Variants in SEL1L observed in about 807,000 individuals in gnomAD.
SEL1L encodes the protein protein sel-1 homolog 1.
SEL1L carries 52 observed loss-of-function variants against 109.8 expected under a neutral mutation model. That is an observed-to-expected ratio of 0.47 (90% confidence interval 0.38 to 0.60). The LOEUF is 0.60. Ranked by LOEUF, SEL1L falls within the 20% of genes least tolerant of loss-of-function variation. The pLI, the probability that SEL1L is intolerant of heterozygous loss-of-function variation, is 0.00. For missense variants in SEL1L, 749 were observed against 962.2 expected (o/e 0.78, Z 2.93); for synonymous variants, 373 against 339.6 (o/e 1.10, Z -1.08).
rs981766733 is a variant in SEL1L, at chr14:81,511,639, T to C, written c.341-5398A>G. 2.6e-5 allele frequency among the ~76,000 whole-genome samples: 4 copies of C among 152,250 alleles called. 1 individual carries two copies. Among genetic ancestry groups the C allele is most frequent in the African/African-American group, 9.6e-5 (4 of 41,474 alleles). ...ACCTGTTGCAGGCAACTGCCTATTC[T>C]TCTATCTTCTGTTTAATATGATTGC... On this transcript the variant is annotated intron_variant, in intron 3 of 20. Coordinates refer to ENST00000336735, the MANE Select transcript of SEL1L (RefSeq NM_005065.6).
At chr14:81,502,203 C>A (rs1208045279) in intron 6 of SEL1L, among the ~76,000 whole-genome samples, 2 of 151,932 alleles carry the variant, frequency 1.3e-5, no homozygotes, top group African/African-American at 4.8e-5. Context: ...TGTATATATA[C>A]ACAAAGAGAA....
In SEL1L at chr14:81,526,964, T is replaced by C; in HGVS notation, c.109A>G (p.Thr37Ala). Residue 37 changes from threonine (T) to alanine (A), a missense_variant and splice_region_variant, in exon 3 of 21, where the codon ACT becomes GCT. Around this residue, in one of 2 missense-constraint regions of SEL1L, gnomAD observed 366 missense variants for 399.8 expected, o/e 0.92. Transcript: ENST00000336735. ...ACTGACTCATCTGATGTCAAAGTAGTCTGAGAATATAAAGTATTTTTAGTT... is the reference window on the plus strand; with the variant it reads ...ACTGACTCATCTGATGTCAAAGTAGCCTGAGAATATAAAGTATTTTTAGTT... ...GSQDESLDSK[T>A]TLTSDESVKD... 6.2e-7 allele frequency: 1 copy of C among 1,603,800 alleles called. No homozygotes were observed. Among genetic ancestry groups the C allele is most frequent in the Non-Finnish European group, 8.5e-7 (1 of 1,171,284 alleles).
At chr14:81,527,853 CAT>C (rs1027670919) in intron 1 of SEL1L, 115 bp from the exon 2 acceptor site, 5 of 644,006 alleles carry the variant, frequency 7.8e-6, no homozygotes, top group African/African-American at 3.8e-5. Flanking sequence ...GATAAATAAA[CAT>C]AGAATTATTT....
At chr14:81,530,778 G>A (rs1198524989) in intron 1 of SEL1L, among the ~76,000 whole-genome samples, 3 of 152,124 alleles carry the variant, frequency 2.0e-5, no homozygotes, top group Non-Finnish European at 1.5e-5. Flanking sequence ...ATCACTGGGC[G>A]ATTTCCTTTT....
chr14:81,495,261 T>G (rs1883695661), intron 10 of SEL1L, 124 bp from the exon 11 acceptor site: 3 of 813,036 alleles, frequency 3.7e-6, no homozygotes, highest in Non-Finnish European at 6.0e-6. Flanking sequence ...AACAAAAAGA[T>G]TTAGTCTTAA....
intron 19 of SEL1L, 66 bp downstream of exon 19, chr14:81,484,159 T>C: frequency 6.7e-7 from 1 of 1,497,600 alleles, no homozygotes; most frequent in South Asian, 1.2e-5. Flanking sequence ...CTATTTTCTA[T>C]ACAAATGCAA....
At chr14:81,512,412 C>T (rs1454191211) in intron 3 of SEL1L, among the ~76,000 whole-genome samples, 1 of 152,238 alleles carries the variant, frequency 6.6e-6, no homozygotes, top group Non-Finnish European at 1.5e-5. Flanking sequence ...GGGCAGACTG[C>T]CTCATTACTG....
At chr14:81,529,354 CAA>C (rs1885240331) in intron 1 of SEL1L, among the ~76,000 whole-genome samples, 1 of 152,082 alleles carries the variant, frequency 6.6e-6, no homozygotes, top group Non-Finnish European at 1.5e-5. Flanking sequence ...GTTAATATAT[CAA>C]AACAGATATT....
At chr14:81,496,971 G>A (rs1376593821) in intron 10 of SEL1L, among the ~76,000 whole-genome samples, 1 of 152,122 alleles carries the variant, frequency 6.6e-6, no homozygotes, top group Non-Finnish European at 1.5e-5. Flanking sequence ...TACAAGAGTA[G>A]CATCATGCTG....
At chr14:81,487,040 A>C (rs188142355) in intron 16 of SEL1L, among the ~76,000 whole-genome samples, 101 of 151,248 alleles carry the variant, frequency 6.7e-4, no homozygotes, top group African/African-American at 2.3e-3. Context: ...CCTGGGCTCA[A>C]GCCTTCATCC....
chr14:81,522,761 C>T (rs1037367390), intron 3 of SEL1L, among the ~76,000 whole-genome samples: 3 of 152,126 alleles, frequency 2.0e-5, no homozygotes, highest in Non-Finnish European at 4.4e-5. Flanking sequence ...GATAAAATGA[C>T]GTAGTACTTG....
chr14:81,510,372 G>A (rs901511715), intron 3 of SEL1L, among the ~76,000 whole-genome samples: 7 of 151,870 alleles, frequency 4.6e-5, no homozygotes, highest in African/African-American at 1.7e-4. Context: ...GGGACTAAGG[G>A]ATACAAGATT....
intron 4 of SEL1L, 86 bp downstream of exon 4, chr14:81,505,988 G>C: frequency 7.4e-7 from 1 of 1,349,512 alleles, no homozygotes; most frequent in Non-Finnish European, 1.0e-6. Context: ...GACCAATGTG[G>C]AAAAAGGATG....
Position 81,488,076 on chromosome 14 carries a change from A to C in SEL1L, c.1396-134T>G. 8.2e-6 allele frequency: 5 copies of C among 611,562 alleles called. No individual in the cohort carries two copies. The South Asian group carries it at 8.7e-5, about 11-fold the overall frequency. The allele number at this position is 611,562 out of a possible 1,614,324, so 37.9% of individuals were successfully genotyped here. ...AGAGCCATTAAAAAGACCACTTTCT[A>C]ATTCTTATAATAGATAATAATATAC... On this transcript the variant is annotated intron_variant, in intron 14 of 20. Coordinates refer to ENST00000336735, the MANE Select transcript of SEL1L (RefSeq NM_005065.6).
intron 1 of SEL1L, among the ~76,000 whole-genome samples, 185 bp from the exon 2 acceptor site, chr14:81,527,923 A>G (rs76729194): frequency 6.6e-6 from 1 of 152,078 alleles, no homozygotes; most frequent in Non-Finnish European, 1.5e-5. Flanking sequence ...GAAAAAAAAA[A>G]TGGGTTGGGG....
intron 3 of SEL1L, among the ~76,000 whole-genome samples, chr14:81,515,470 A>G (rs554479089): frequency 6.6e-6 from 1 of 152,342 alleles, no homozygotes; most frequent in African/African-American, 2.4e-5. Flanking sequence ...CTGACAGCTG[A>G]AGAAAGGGAC....
At chr14:81,527,075 T>C (rs1885142112) in intron 2 of SEL1L, 111 bp from the exon 3 acceptor site, 1 of 761,594 alleles carries the variant, frequency 1.3e-6, no homozygotes, top group Non-Finnish European at 2.2e-6. Context: ...CTCCTTGAAG[T>C]GCCACACTCA....
rs1468693053 is a variant in SEL1L at position 81,526,705 on chromosome 14, C to A, written c.340+28G>T. The stretch of plus-strand genomic sequence containing the variant: ...ATTTTCAGTTGTCCCCTAAATAAAT[C>A]AAAAAGCAAGGAAAATGTCCAGACT... On this transcript the variant is annotated intron_variant, in intron 3 of 20. Transcript: ENST00000336735. 2.5e-6 allele frequency: 4 copies of A among 1,583,398 alleles called. No homozygotes were observed. In the South Asian group the frequency reaches 4.4e-5, roughly 18 times the overall value.
At position 81,474,018 on chromosome 14, in the gene SEL1L, T is replaced by G. The variant is rs1280277507; in HGVS notation, c.*2954A>C. ...CCCAACAGTACAGAGACAGAATGGC[T>G]TAGTGGTAAGACTCTCACATGTAAG... On this transcript the variant is annotated 3_prime_UTR_variant, in exon 21 of 21. Transcript: ENST00000336735. 1 of 151,960 alleles carries G rather than the reference T, an allele frequency of 6.6e-6. No homozygotes were observed. Among genetic ancestry groups the G allele is most frequent in the East Asian group, 1.9e-4 (1 of 5,180 alleles). The allele number at this position is 151,960 out of a possible 1,614,324, so 9.4% of individuals were successfully genotyped here. A position where few individuals can be genotyped will look rare whatever the true frequency, so the allele number is the denominator to read the frequency against.
Sources: allele counts gnomAD v4.1 joint callset (sites outside exome capture counted in the v4.1 genomes callset), GRCh38; gene constraint gnomAD v4.1.1; regional missense constraint gnomAD v4.1.1; transcripts MANE v1.5; gene names NCBI Gene and HGNC (gene_info 2026-07-23, HGNC 2026-07-21).